SPTA1: variants seen among roughly 807,000 people sequenced by gnomAD.
SPTA1 encodes spectrin alpha, erythrocytic 1.
In SPTA1, 177 loss-of-function variants were observed where a neutral mutation model predicts 324.7. That is an observed-to-expected ratio of 0.55 (90% CI 0.48 to 0.62). The LOEUF (loss-of-function observed/expected upper bound fraction) is 0.62. SPTA1 is among the 20% of genes least tolerant of loss of function. SPTA1 has a pLI of 0.00. For missense variants in SPTA1, 3,162 were observed against 2,883.6 expected, an observed-to-expected ratio of 1.10 and a Z score of -2.21; for synonymous variants, 1,195 against 1,041.3, an observed-to-expected ratio of 1.15 and a Z score of -2.84.
chr1:158,680,227 T>A (rs966668218), intron 5 of SPTA1, among the ~76,000 whole-genome samples: 10 of 152,292 alleles, frequency 6.6e-5, no homozygotes, highest in Admixed American at 6.5e-4. Context: ...TGCTACTTTA[T>A]TTTTGTGTTT....
At position 158,685,259 on chromosome 1, in the gene SPTA1, A is replaced by G. The variant is rs1366921505; in HGVS notation, c.113T>C (p.Phe38Ser). 1.9e-6 allele frequency: 3 copies of G among 1,613,702 alleles called. No homozygotes were observed. In the African/African-American group the frequency reaches 4.0e-5, roughly 22 times the overall value. Residue 38 changes from phenylalanine to serine, a missense_variant, in exon 2 of 52, where the codon TTC becomes TCC. Coordinates refer to ENST00000643759, the MANE Select transcript of SPTA1 (RefSeq NM_003126.4). ...RQEVLTRYQSFKERVAERGQK... is the reference protein window; with the variant it reads ...RQEVLTRYQSSKERVAERGQK... ...ACCCCTCTCAGCGACCCGCTCCTTG[A>G]AACTTTGATACCGAGTCAACACTTC... is the stretch of plus-strand genomic sequence containing the variant.
chr1:158,642,603 A>G, intron 32 of SPTA1, 61 bp from the exon 33 acceptor site: 1 of 1,606,044 alleles, frequency 6.2e-7, no homozygotes, highest in Non-Finnish European at 8.5e-7. Context: ...AAGATAAGGT[A>G]AATTGTATTT....
At chr1:158,639,832 TA>T in intron 34 of SPTA1, 37 bp downstream of exon 34, 1 of 1,613,802 alleles carries the variant, frequency 6.2e-7, no homozygotes, top group South Asian at 1.1e-5. Flanking sequence ...AAGTATGTAT[TA>T]AACTCTTGTG....
chr1:158,637,960 T>C, intron 36 of SPTA1, 73 bp downstream of exon 36: 1 of 1,510,800 alleles, frequency 6.6e-7, no homozygotes, highest in Non-Finnish European at 9.1e-7. Flanking sequence ...CATTTCAGCA[T>C]AAATTGGAAC....
Position 158,612,979 on chromosome 1 carries a change from C to T in SPTA1, c.6990-18G>A, listed in dbSNP as rs1484513111. 1 of 1,613,148 alleles carries T rather than the reference C, an allele frequency of 6.2e-7. No individual in the cohort carries two copies. The highest frequency in any genetic ancestry group is 2.2e-5 in the East Asian group (1 of 44,870). On this transcript the variant is annotated intron_variant, in intron 50 of 51. Coordinates refer to ENST00000643759, the MANE Select transcript of SPTA1 (RefSeq NM_003126.4). ...AGCCCTTCCTGTGGGAGAAATGGAT[C>T]AGGAGCTGAGCCTTCTCAAGGCAGA... is the stretch of plus-strand genomic sequence containing the variant.
At chr1:158,665,346 G>A (rs1653516140) in intron 16 of SPTA1, among the ~76,000 whole-genome samples, 1 of 152,238 alleles carries the variant, frequency 6.6e-6, no homozygotes, top group South Asian at 2.1e-4. Context: ...GTATACAAAT[G>A]ACTTTTTTCC....
chr1:158,667,251 GA>G (rs1275984354), intron 15 of SPTA1, among the ~76,000 whole-genome samples: 31 of 152,248 alleles, frequency 2.0e-4, no homozygotes, highest in African/African-American at 7.0e-4. Flanking sequence ...CACATGAATA[GA>G]AAACTCATTA....
chr1:158,674,869 G>T (rs902173984), intron 8 of SPTA1, among the ~76,000 whole-genome samples, 194 bp from the exon 9 acceptor site: 1 of 152,114 alleles, frequency 6.6e-6, no homozygotes, highest in Non-Finnish European at 1.5e-5. Context: ...CTTCACCCCA[G>T]GTTTTATATT....
rs1177353050 is a variant in SPTA1 at position 158,659,595 on chromosome 1, A to ATTTTTTTTTTTTTTTTTTTTTTT, written c.2587+1669_2587+1691dup. On this transcript the variant is annotated intron_variant, in intron 18 of 51. Coordinates refer to ENST00000643759, the MANE Select transcript of SPTA1 (RefSeq NM_003126.4). Reference sequence around the variant, plus strand: ...AAAAGAAAATAATAGTCTTAGCATTATTTTTTTTTTTTTTTTTTTTTTTTT... The same window carrying ATTTTTTTTTTTTTTTTTTTTTTT: ...AAAAGAAAATAATAGTCTTAGCATTATTTTTTTTTTTTTTTTTTTTTTTTTTTTTTTTTTTTTTTTTTTTTTTT... Among the ~76,000 whole-genome samples, 6 of 68,780 alleles carry ATTTTTTTTTTTTTTTTTTTTTTT rather than the reference A, an allele frequency of 8.7e-5. 1 individual carries two copies. Among genetic ancestry groups the ATTTTTTTTTTTTTTTTTTTTTTT allele is most frequent in the Non-Finnish European group, 2.0e-4 (6 of 30,036 alleles). 45.1% of individuals were successfully genotyped at this position (68,780 alleles called of 152,430 possible).
chr1:158,615,825 T>C (rs1287801725), intron 47 of SPTA1, among the ~76,000 whole-genome samples: 3 of 152,224 alleles, frequency 2.0e-5, no homozygotes, highest in Admixed American at 6.5e-5. Flanking sequence ...CTGGGACTTA[T>C]CTGCAACACT....
Position 158,611,128 on chromosome 1 carries a change from C to G in SPTA1, c.*136G>C. 1 of 1,087,298 alleles carries G rather than the reference C, an allele frequency of 9.2e-7. No individual in the cohort carries two copies. The highest frequency in any genetic ancestry group is 1.3e-6 in the Non-Finnish European group (1 of 756,448). 67.4% of individuals were successfully genotyped at this position (1,087,298 alleles called of 1,614,324 possible). A position where few individuals can be genotyped will look rare whatever the true frequency, so the allele number is the denominator to read the frequency against. Reference sequence around the variant, plus strand: ...AATAAATGTAATATGCACACAAACACAAGCACACACACACACACACACACA... The same window carrying G: ...AATAAATGTAATATGCACACAAACAGAAGCACACACACACACACACACACA... On this transcript the variant is annotated 3_prime_UTR_variant, in exon 52 of 52. Coordinates refer to ENST00000643759, the MANE Select transcript of SPTA1 (RefSeq NM_003126.4).
Position 158,615,204 on chromosome 1 carries a change from C to T in SPTA1, c.6788+12G>A, listed in dbSNP as rs758150781. 4.8e-5 allele frequency: 78 copies of T among 1,612,674 alleles called. No homozygotes were observed. Among genetic ancestry groups the T allele is most frequent in the Middle Eastern group, 2.0e-4 (1 of 4,960 alleles). ...TGCATCCCTCCCTGCTCTGGCCACA[C>T]GCCCTCAATACTTGGCCTGGATCTG... On this transcript the variant is annotated intron_variant, in intron 48 of 51. Coordinates refer to ENST00000643759, the MANE Select transcript of SPTA1 (RefSeq NM_003126.4).
At chr1:158,679,551 G>T (rs185506621) in intron 5 of SPTA1, among the ~76,000 whole-genome samples, 1 of 151,994 alleles carries the variant, frequency 6.6e-6, no homozygotes, top group Non-Finnish European at 1.5e-5. Context: ...CATGATGAGA[G>T]GTCACCCAGA....
Position 158,613,785 on chromosome 1 carries a change from T to C in SPTA1, c.6925A>G (p.Met2309Val), listed in dbSNP as rs544393581. ...GGCTCATGTTCATCCTCCTCCACCA[T>C]GGGCAAGTAGTAATTGAGTCCTCTC... ...CLRGLNYYLP[M>V]VEEDEHEPKF... Residue 2309 changes from methionine (M) to valine (V), a missense_variant, in exon 50 of 52, where the codon ATG becomes GTG. Transcript: ENST00000643759. 18 of 1,613,874 alleles carry C rather than the reference T, an allele frequency of 1.1e-5. No individual in the cohort carries two copies. Among genetic ancestry groups the C allele is most frequent in the Non-Finnish European group, 1.4e-5 (17 of 1,179,862 alleles).
At chr1:158,630,685 AAC>A (rs1302116183) in intron 39 of SPTA1, among the ~76,000 whole-genome samples, 1 of 152,056 alleles carries the variant, frequency 6.6e-6, no homozygotes, top group Non-Finnish European at 1.5e-5. Flanking sequence ...GGAAACAATC[AAC>A]AGAGTGAAAA....
chr1:158,657,525 T>C lies in SPTA1; in HGVS notation c.2757A>G (p.Glu919=), dbSNP rs16840450. 0.017 allele frequency: 27,686 copies of C among 1,613,754 alleles called. 3,734 individuals carry two copies. In the African/African-American group the frequency reaches 0.31, roughly 18 times the overall value. ...CATAGTTAGTATTATCTACAATAGG[T>C]TCCTTCTCTCTGATCCATGTTTCTG... ...HEAETWIREK[E]PIVDNTNYGA... Residue 919 remains glutamate, a synonymous_variant, in exon 19 of 52, where the codon GAA becomes GAG. Transcript: ENST00000643759.
At chr1:158,637,109 C>T (rs1351814335) in intron 36 of SPTA1, among the ~76,000 whole-genome samples, 1 of 152,120 alleles carries the variant, frequency 6.6e-6, no homozygotes, top group Admixed American at 6.5e-5. Flanking sequence ...TTATATATGA[C>T]CTCCACAGGT....
chr1:158,684,358 T>C (rs1019943818), intron 2 of SPTA1, among the ~76,000 whole-genome samples: 7 of 152,100 alleles, frequency 4.6e-5, no homozygotes, highest in Non-Finnish European at 1.0e-4. Context: ...GGAGGACAGT[T>C]GCTTCAGAAG....
chr1:158,637,970 C>G lies in SPTA1; in HGVS notation c.5189+63G>C, dbSNP rs1651207596. The G allele has an allele frequency of 3.9e-6, 6 of 1,556,244 alleles. No homozygotes were observed. The South Asian group carries it at 6.7e-5, about 17-fold the overall frequency. ...AATTTCATTTCAGCATAAATTGGAA[C>G]AAGTTTGGTGGATTATCTACTCGCT... On this transcript the variant is annotated intron_variant, in intron 36 of 51. Coordinates refer to ENST00000643759, the MANE Select transcript of SPTA1 (RefSeq NM_003126.4).
Sources: allele counts gnomAD v4.1 joint callset (sites outside exome capture counted in the v4.1 genomes callset), GRCh38; gene constraint gnomAD v4.1.1; transcripts MANE v1.5; gene names NCBI Gene and HGNC (gene_info 2026-07-23, HGNC 2026-07-21).